Variants in LRRC72 observed in about 807,000 individuals in gnomAD.
The protein encoded by LRRC72 is leucine-rich repeat-containing protein 72.
Under a neutral mutation model 35.8 loss-of-function variants are expected in LRRC72, and 41 were observed. The observed-to-expected ratio is 1.15, with a 90% confidence interval of 0.89 to 1.49. LRRC72 has a LOEUF of 1.49. LRRC72 is among the 40% of genes most tolerant of loss of function. The pLI, the probability that LRRC72 is intolerant of heterozygous loss-of-function variation, is 0.00. For synonymous variants in LRRC72, 118 were observed against 119.2 expected (o/e 0.99, Z 0.07); for missense variants, 389 against 330.7 (o/e 1.18, Z -1.37).
At chr7:16,561,478 G>A (rs1047294948) in intron 5 of LRRC72, among the ~76,000 whole-genome samples, 2 of 152,194 alleles carry the variant, frequency 1.3e-5, no homozygotes, top group Non-Finnish European at 2.9e-5. Context: ...AAGGGTGTAT[G>A]TGAGTGTAGA....
intron 3 of LRRC72, among the ~76,000 whole-genome samples, chr7:16,542,776 T>C (rs928933048): frequency 6.6e-6 from 1 of 152,234 alleles, no homozygotes; most frequent in Admixed American, 6.5e-5. Context: ...TCTTAGTAGC[T>C]ATCTTTTTTA....
At chr7:16,578,997 C>G (rs765579422) in intron 7 of LRRC72, among the ~76,000 whole-genome samples, 1 of 152,114 alleles carries the variant, frequency 6.6e-6, no homozygotes, top group Admixed American at 6.6e-5. Context: ...TCAAAAGGTA[C>G]AAAGTTTAAA....
At chr7:16,579,329 C>T (rs894699897) in intron 7 of LRRC72, among the ~76,000 whole-genome samples, 2 of 152,174 alleles carry the variant, frequency 1.3e-5, no homozygotes, top group Non-Finnish European at 2.9e-5. Context: ...GAGAGACTTT[C>T]GTTAGCCACT....
chr7:16,563,600 T>G (rs2389674), intron 5 of LRRC72, among the ~76,000 whole-genome samples: 1 of 152,008 alleles, frequency 6.6e-6, no homozygotes, highest in Non-Finnish European at 1.5e-5. Context: ...AACAGGAAAC[T>G]GATTTCACAT....
chr7:16,567,289 C>A (rs2128338260), intron 6 of LRRC72, 102 bp from the exon 7 acceptor site: 1 of 862,152 alleles, frequency 1.2e-6, no homozygotes, highest in Non-Finnish European at 1.7e-6. Context: ...TCTCATATAT[C>A]ATAGTTTAGA....
rs572567134 is a variant in LRRC72, at chr7:16,532,655, A to AT, written c.164+92dup. 1.3e-4 allele frequency: 141 copies of AT among 1,101,126 alleles called. No homozygotes were observed. In the African/African-American group the frequency reaches 2.0e-3, roughly 16 times the overall value. The allele number at this position is 1,101,126 out of a possible 1,614,324, so 68.2% of individuals were successfully genotyped here. A position where few individuals can be genotyped will look rare whatever the true frequency, so the allele number is the denominator to read the frequency against. On this transcript the variant is annotated intron_variant, in intron 2 of 8. Coordinates refer to ENST00000401542, the MANE Select transcript of LRRC72 (RefSeq NM_001195280.2). Reference sequence around the variant, plus strand: ...TTCACAGATTCAAATGTTATTTTCCATTTTTCCCCCTCAAGGACTGGGTAG... The same window carrying AT: ...TTCACAGATTCAAATGTTATTTTCCATTTTTTCCCCCTCAAGGACTGGGTAG...
chr7:16,567,401 A>G lies in LRRC72; in HGVS notation c.528A>G (p.Glu176=), dbSNP rs563312394. The G allele has an allele frequency of 1.9e-5, 29 of 1,491,630 alleles. No individual in the cohort carries two copies. The South Asian group carries it at 3.5e-4, about 18-fold the overall frequency. 92.4% of individuals were successfully genotyped at this position (1,491,630 alleles called of 1,614,324 possible). The change falls in exon 7 of 9, where the codon GAA becomes GAG. Residue 176 remains glutamate (E), a synonymous_variant. Coordinates refer to ENST00000401542, the MANE Select transcript of LRRC72 (RefSeq NM_001195280.2). The stretch of plus-strand genomic sequence containing the variant: ...TTTTGCATTTATCAGAAGTTACAGA[A>G]AAAGAAAGAAGATCAATGATTACCA... The part of the protein sequence containing the change: ...VELLDRNQVT[E]KERRSMITIF...
intron 3 of LRRC72, among the ~76,000 whole-genome samples, chr7:16,555,886 A>G (rs1434910685): frequency 1.3e-5 from 2 of 152,222 alleles, no homozygotes; most frequent in African/African-American, 4.8e-5. Context: ...TACTTGATCA[A>G]TAACTCGTTC....
chr7:16,538,756 G>T (rs780372940), intron 3 of LRRC72, among the ~76,000 whole-genome samples: 8 of 152,212 alleles, frequency 5.3e-5, no homozygotes, highest in Admixed American at 1.3e-4. Context: ...TAGTGAGTGA[G>T]TTCCCACAAT....
Position 16,581,310 on chromosome 7 carries a change from C to A in LRRC72, c.699-14C>A. 7.2e-7 allele frequency: 1 copy of A among 1,386,760 alleles called. No individual in the cohort carries two copies. The highest frequency in any genetic ancestry group is 9.5e-7 in the Non-Finnish European group (1 of 1,056,896). The allele number at this position is 1,386,760 out of a possible 1,614,324, so 85.9% of individuals were successfully genotyped here. A position where few individuals can be genotyped will look rare whatever the true frequency, so the allele number is the denominator to read the frequency against. On this transcript the variant is annotated splice_polypyrimidine_tract_variant and intron_variant, in intron 8 of 8. Transcript: ENST00000401542. The stretch of plus-strand genomic sequence containing the variant: ...GATTGCTTTTTTTCTGACATAATTG[C>A]TTTTTTTTTGCAGAACTGTGCTTGA...
intron 5 of LRRC72, 57 bp downstream of exon 5, chr7:16,559,056 T>G: frequency 9.3e-7 from 1 of 1,076,658 alleles, no homozygotes; most frequent in South Asian, 1.5e-5. Context: ...CATAAGACAT[T>G]TTTCCATTTA....
intron 1 of LRRC72, among the ~76,000 whole-genome samples, chr7:16,527,574 G>A (rs1782092795): frequency 6.6e-6 from 1 of 151,932 alleles, no homozygotes; most frequent in Admixed American, 6.6e-5. Context: ...AAGCAGAGTC[G>A]AGAGCAGTTA....
intron 5 of LRRC72, among the ~76,000 whole-genome samples, chr7:16,560,796 C>A (rs1790833913): frequency 6.6e-6 from 1 of 151,768 alleles, no homozygotes; most frequent in African/African-American, 2.4e-5. Context: ...TTATGTAAAT[C>A]AGATAATGAA....
chr7:16,552,680 C>A (rs1782574463), intron 3 of LRRC72, among the ~76,000 whole-genome samples: 3 of 152,194 alleles, frequency 2.0e-5, no homozygotes, highest in Admixed American at 2.0e-4. Flanking sequence ...GAACTCAAAA[C>A]TAGCTTGAGA....
chr7:16,574,295 C>T (rs1283449541), intron 7 of LRRC72, among the ~76,000 whole-genome samples: 3 of 152,182 alleles, frequency 2.0e-5, no homozygotes, highest in African/African-American at 7.2e-5. Flanking sequence ...AATCCCATTA[C>T]TGGGTATATA....
chr7:16,530,375 A>G (rs921261669), intron 1 of LRRC72: 1 of 152,142 alleles, frequency 6.6e-6, no homozygotes, highest in African/African-American at 2.4e-5. Flanking sequence ...TTTCTGTTCT[A>G]TTGGGGCCCT....
At chr7:16,571,996 C>T (rs558735292) in intron 7 of LRRC72, among the ~76,000 whole-genome samples, 4 of 152,166 alleles carry the variant, frequency 2.6e-5, no homozygotes, top group South Asian at 2.1e-4. Flanking sequence ...CTGGGTCGCC[C>T]GAGCTTGGTG....
chr7:16,566,268 T>G, intron 5 of LRRC72, 45 bp from the exon 6 acceptor site: 4 of 1,284,038 alleles, frequency 3.1e-6, no homozygotes, highest in Non-Finnish European at 4.3e-6. Context: ...TAAGTGAAAC[T>G]GATTTTGAAA....
At chr7:16,574,576 C>G (rs1004855502) in intron 7 of LRRC72, among the ~76,000 whole-genome samples, 1 of 151,994 alleles carries the variant, frequency 6.6e-6, no homozygotes, top group South Asian at 2.1e-4. Context: ...CATGTTCTCA[C>G]TCATAAGTGG....
Sources: allele counts gnomAD v4.1 joint callset (sites outside exome capture counted in the v4.1 genomes callset), GRCh38; gene constraint gnomAD v4.1.1; transcripts MANE v1.5; gene names NCBI Gene and HGNC (gene_info 2026-07-23, HGNC 2026-07-21).